NELL1: variants seen among roughly 807,000 people sequenced by gnomAD.
The protein encoded by NELL1 is neural EGFL like 1, also known as protein kinase C-binding protein NELL1.
In NELL1, 76 loss-of-function variants were observed where a neutral mutation model predicts 107.4. The observed-to-expected ratio is 0.71, with a 90% confidence interval of 0.59 to 0.86. The LOEUF is 0.86. NELL1 is among the 40% of genes least tolerant of loss of function. The pLI, the probability that NELL1 is intolerant of heterozygous loss-of-function variation, is 0.00. For synonymous variants in NELL1, 353 were observed against 341.2 expected (o/e 1.03, Z -0.38); for missense variants, 1,024 against 1,005.5 (o/e 1.02, Z -0.25).
At chr11:20,753,814 G>A (rs2133948185) in intron 2 of NELL1, among the ~76,000 whole-genome samples, 1 of 152,282 alleles carries the variant, frequency 6.6e-6, no homozygotes, top group East Asian at 1.9e-4. Context: ...TGTCCCCATA[G>A]GAGCAAAGTG....
chr11:20,810,685 C>A (rs1206625354), intron 3 of NELL1, among the ~76,000 whole-genome samples: 1 of 152,122 alleles, frequency 6.6e-6, no homozygotes, highest in Admixed American at 6.5e-5. Flanking sequence ...CATGCATGTG[C>A]AAGTTTCTTT....
chr11:20,874,314 C>A (rs779809291), intron 4 of NELL1, among the ~76,000 whole-genome samples: 2 of 152,206 alleles, frequency 1.3e-5, no homozygotes, highest in African/African-American at 2.4e-5. Context: ...GTGATCCACC[C>A]ACCTCAGCCT....
chr11:20,860,829 A>G (rs1016911808), intron 4 of NELL1, among the ~76,000 whole-genome samples: 3 of 152,144 alleles, frequency 2.0e-5, no homozygotes, highest in Admixed American at 2.0e-4. Flanking sequence ...GGAGTGGAGG[A>G]GAAGGTGATT....
intron 12 of NELL1, among the ~76,000 whole-genome samples, chr11:20,965,115 C>G (rs1056583130): frequency 6.6e-6 from 1 of 152,130 alleles, no homozygotes; most frequent in Non-Finnish European, 1.5e-5. Flanking sequence ...TTTAATAGAG[C>G]AAGCATTGAG....
intron 10 of NELL1, among the ~76,000 whole-genome samples, chr11:20,944,566 A>G (rs1330891825): frequency 2.0e-5 from 3 of 152,196 alleles, no homozygotes; most frequent in Non-Finnish European, 4.4e-5. Flanking sequence ...GAAAAAAGGA[A>G]TTGTATTTTT....
intron 15 of NELL1, among the ~76,000 whole-genome samples, chr11:21,467,880 C>T (rs1294337182): frequency 6.6e-6 from 1 of 151,912 alleles, no homozygotes; most frequent in South Asian, 2.1e-4. Context: ...TGAGAAGAAA[C>T]AAGAATTTTC....
chr11:20,683,885 C>G (rs1337177433), intron 2 of NELL1, among the ~76,000 whole-genome samples: 1 of 151,710 alleles, frequency 6.6e-6, no homozygotes, highest in Non-Finnish European at 1.5e-5. Context: ...TTAAGACTTT[C>G]TCTTTATCAC....
At chr11:21,478,454 T>A (rs73469129) in intron 15 of NELL1, among the ~76,000 whole-genome samples, 3,839 of 152,236 alleles carry the variant, frequency 0.025, 171 homozygotes, top group African/African-American at 0.085. Context: ...ATAGTTTAAG[T>A]ACAAAGTCTC....
intron 14 of NELL1, among the ~76,000 whole-genome samples, chr11:21,325,436 C>G (rs1436743353): frequency 6.6e-6 from 1 of 152,026 alleles, no homozygotes; most frequent in Non-Finnish European, 1.5e-5. Context: ...AATTTAGTTT[C>G]TTACCAGTGT....
At chr11:21,396,745 T>C (rs991183355) in intron 15 of NELL1, among the ~76,000 whole-genome samples, 1 of 151,424 alleles carries the variant, frequency 6.6e-6, no homozygotes, top group Non-Finnish European at 1.5e-5. Flanking sequence ...ATCAGGAAAA[T>C]TGTCATGAAT....
intron 13 of NELL1, among the ~76,000 whole-genome samples, chr11:21,116,883 G>C (rs1428293518): frequency 2.0e-5 from 3 of 151,942 alleles, no homozygotes; most frequent in African/African-American, 7.2e-5. Context: ...TTTAAAAAGA[G>C]AAATCATACA....
chr11:20,953,047 T>C (rs1851099492), intron 11 of NELL1, among the ~76,000 whole-genome samples: 1 of 152,210 alleles, frequency 6.6e-6, no homozygotes. Flanking sequence ...AGGCATCCAG[T>C]TCTCATAAAA....
intron 12 of NELL1, among the ~76,000 whole-genome samples, chr11:21,106,776 T>A (rs935651933): frequency 6.6e-6 from 1 of 152,166 alleles, no homozygotes; most frequent in African/African-American, 2.4e-5. Context: ...GCATTTGTTT[T>A]TCCCCCCTTG....
intron 2 of NELL1, among the ~76,000 whole-genome samples, chr11:20,704,569 C>T (rs1037709556): frequency 4.6e-5 from 7 of 152,140 alleles, no homozygotes; most frequent in African/African-American, 1.7e-4. Context: ...GGTTATTTTG[C>T]TTGTTAGTTG....
In NELL1 at chr11:21,185,137, T is replaced by C. The variant is rs117002505; in HGVS notation, c.1427-44195T>C. On this transcript the variant is annotated intron_variant, in intron 13 of 19. Coordinates refer to ENST00000357134, the MANE Select transcript of NELL1 (RefSeq NM_006157.5). Reference sequence around the variant, plus strand: ...TTCCATTAACCTATCCATCCATCCTTAGGGCTGACAGGATAATTCAAACAT... The same window carrying C: ...TTCCATTAACCTATCCATCCATCCTCAGGGCTGACAGGATAATTCAAACAT... 6.1e-4 allele frequency among the ~76,000 whole-genome samples: 92 copies of C among 151,838 alleles called. 2 individuals carry two copies. The East Asian group carries it at 0.017, about 28-fold the overall frequency.
intron 15 of NELL1, among the ~76,000 whole-genome samples, chr11:21,496,013 A>T (rs928731683): frequency 8.5e-5 from 13 of 152,088 alleles, no homozygotes; most frequent in Admixed American, 8.5e-4. Context: ...TTCTATTTTG[A>T]AAATGTGTAA....
intron 15 of NELL1, among the ~76,000 whole-genome samples, chr11:21,412,384 C>G (rs1426172958): frequency 6.6e-6 from 1 of 152,024 alleles, no homozygotes; most frequent in African/African-American, 2.4e-5. Flanking sequence ...AAATGCCAGG[C>G]AGTGAACCAA....
In NELL1 at chr11:21,493,686, G is replaced by A. The variant is rs974389244; in HGVS notation, c.1646-40688G>A. ...AAGAAATATGCCCCAATATTTGACA[G>A]CAGATAGGGTGACTATAGTTAGCAA... is the stretch of plus-strand genomic sequence containing the variant. On this transcript the variant is annotated intron_variant, in intron 15 of 19. Transcript: ENST00000357134. Among the ~76,000 whole-genome samples the A allele has an allele frequency of 7.2e-5, 11 of 152,038 alleles. 1 individual carries two copies. Among genetic ancestry groups the A allele is most frequent in the African/African-American group, 2.7e-4 (11 of 41,440 alleles).
At position 21,459,909 on chromosome 11, in the gene NELL1, A is replaced by G. The variant is rs552455930; in HGVS notation, c.1646-74465A>G. On this transcript the variant is annotated intron_variant, in intron 15 of 19. Transcript: ENST00000357134. Reference sequence around the variant, plus strand: ...GGATAATGGCCATGGACTTTATGACATTGGAGTATAGAGAGAAGGATTTTC... The same window carrying G: ...GGATAATGGCCATGGACTTTATGACGTTGGAGTATAGAGAGAAGGATTTTC... Among the ~76,000 whole-genome samples the G allele has an allele frequency of 3.3e-5, 5 of 152,226 alleles. No homozygotes were observed. The East Asian group carries it at 9.7e-4, about 29-fold the overall frequency.
Sources: gnomAD v4.1 joint callset for allele counts (sites outside exome capture counted in the v4.1 genomes callset) on GRCh38, gnomAD v4.1.1 for gene constraint, MANE v1.5 for transcripts, NCBI Gene and HGNC (gene_info 2026-07-23, HGNC 2026-07-21) for gene names.